Variants in KSR1 observed in about 807,000 individuals in gnomAD.
The protein encoded by KSR1 is kinase suppressor of ras 1, also known as kinase suppressor of ras.
Under a neutral mutation model 92.9 loss-of-function variants are expected in KSR1, and 35 were observed. The observed-to-expected ratio is 0.38, with a 90% CI of 0.29 to 0.50. The LOEUF is 0.50. Ranked by LOEUF, KSR1 falls within the 20% of genes least tolerant of loss-of-function variation. KSR1 has a pLI of 0.94. For synonymous variants in KSR1, 467 were observed against 472.6 expected, an observed-to-expected ratio of 0.99 and a Z score of 0.15; for missense variants, 972 against 1,158.5, an observed-to-expected ratio of 0.84 and a Z score of 2.34.
intron 1 of KSR1, among the ~76,000 whole-genome samples, chr17:27,498,394 G>C (rs554247133): frequency 6.7e-6 from 1 of 150,056 alleles, no homozygotes; most frequent in East Asian, 2.0e-4. Context: ...CACACAACTT[G>C]ATGTGACAAT....
chr17:27,517,839 A>G (rs539614770), intron 1 of KSR1, among the ~76,000 whole-genome samples: 1 of 152,268 alleles, frequency 6.6e-6, no homozygotes, highest in Non-Finnish European at 1.5e-5. Context: ...ATGTTATGTA[A>G]TTGTGGGGGT....
At chr17:27,478,481 A>C (rs537958738) in intron 1 of KSR1, among the ~76,000 whole-genome samples, 1 of 152,340 alleles carries the variant, frequency 6.6e-6, no homozygotes, top group African/African-American at 2.4e-5. Flanking sequence ...CACATTGGTC[A>C]TGAGATGTTG....
chr17:27,462,493 T>C (rs2019493127), intron 1 of KSR1, among the ~76,000 whole-genome samples: 1 of 152,178 alleles, frequency 6.6e-6, no homozygotes, highest in Non-Finnish European at 1.5e-5. Flanking sequence ...GCTTCCCTAA[T>C]GTCCAGGCTA....
At chr17:27,538,683 G>T (rs1276011589) in intron 1 of KSR1, among the ~76,000 whole-genome samples, 1 of 152,176 alleles carries the variant, frequency 6.6e-6, no homozygotes, top group Non-Finnish European at 1.5e-5. Context: ...AACAAAACTG[G>T]GTCCTGTGGG....
At chr17:27,494,198 A>AT (rs900525326) in intron 1 of KSR1, among the ~76,000 whole-genome samples, 1 of 152,006 alleles carries the variant, frequency 6.6e-6, no homozygotes, top group East Asian at 1.9e-4. Context: ...AGTGGAGATG[A>AT]TTTTTTTTAT....
At chr17:27,510,930 G>A (rs2069576459) in intron 1 of KSR1, among the ~76,000 whole-genome samples, 1 of 152,156 alleles carries the variant, frequency 6.6e-6, no homozygotes. Context: ...CATGTAGCAT[G>A]TTCCCCATTC....
chr17:27,525,668 T>G (rs2070229944), intron 1 of KSR1, among the ~76,000 whole-genome samples: 1 of 152,166 alleles, frequency 6.6e-6, no homozygotes, highest in Admixed American at 6.5e-5. Flanking sequence ...TTCCCAAAGG[T>G]TCCAAAGGTT....
At position 27,583,926 on chromosome 17, in the gene KSR1, C is replaced by T. The variant is rs1368636677; in HGVS notation, c.980+821C>T. 5.1e-5 allele frequency: 49 copies of T among 966,820 alleles called. 1 individual carries two copies. Among genetic ancestry groups the T allele is most frequent in the Non-Finnish European group, 2.5e-6 (2 of 812,946 alleles). The allele number at this position is 966,820 out of a possible 1,614,324, so 59.9% of individuals were successfully genotyped here. Reference sequence around the variant, plus strand: ...TTATTCAGTCACAGGGTTCCCCTTTCAGGAGCCAACCAGGCTAGCAGTTTT... The same window carrying T: ...TTATTCAGTCACAGGGTTCCCCTTTTAGGAGCCAACCAGGCTAGCAGTTTT... On this transcript the variant is annotated intron_variant, in intron 4 of 20. Transcript: ENST00000644974.
rs747820978 is a variant in KSR1, at chr17:27,605,854, G to A, written c.1994+41G>A. ...GACCTCATGCTGGATGGCCAGCTCA[G>A]CCTCCCCCTTCCCAGGGAGCCCTGT... On this transcript the variant is annotated intron_variant, in intron 14 of 20. Coordinates refer to ENST00000644974, the MANE Select transcript of KSR1 (RefSeq NM_001394583.1). 7 of 1,606,390 alleles carry A rather than the reference G, an allele frequency of 4.4e-6. No homozygotes were observed. In the East Asian group the frequency reaches 1.6e-4, roughly 36 times the overall value.
At chr17:27,567,544 C>T (rs1478253499) in intron 2 of KSR1, among the ~76,000 whole-genome samples, 2 of 152,176 alleles carry the variant, frequency 1.3e-5, no homozygotes, top group Non-Finnish European at 2.9e-5. Context: ...CAGGTGAGGC[C>T]ACGAGCCCAG....
chr17:27,551,487 C>A (rs575047419), intron 2 of KSR1, among the ~76,000 whole-genome samples: 2 of 151,978 alleles, frequency 1.3e-5, no homozygotes, highest in Non-Finnish European at 2.9e-5. Flanking sequence ...TATATAGATA[C>A]TTTGGAAACA....
chr17:27,536,860 G>A (rs2070770917), intron 1 of KSR1, among the ~76,000 whole-genome samples: 1 of 152,200 alleles, frequency 6.6e-6, no homozygotes, highest in Non-Finnish European at 1.5e-5. Flanking sequence ...ATACTCTGTT[G>A]GACAAAGTAG....
chr17:27,469,280 A>C (rs1394624702), intron 1 of KSR1, among the ~76,000 whole-genome samples: 2 of 151,934 alleles, frequency 1.3e-5, no homozygotes, highest in Non-Finnish European at 2.9e-5. Context: ...CCCAACAGGT[A>C]GTTTTCTTTT....
chr17:27,521,062 C>A (rs1359636188), intron 1 of KSR1, among the ~76,000 whole-genome samples: 1 of 152,188 alleles, frequency 6.6e-6, no homozygotes, highest in Admixed American at 6.5e-5. Context: ...TGTTCAGCAC[C>A]GTGGTTCTGA....
intron 1 of KSR1, among the ~76,000 whole-genome samples, chr17:27,527,709 CACAAATCAG>C (rs954259602): frequency 9.2e-5 from 14 of 152,112 alleles, no homozygotes. Flanking sequence ...TTGTTTGGGG[CACAAATCAG>C]ACTGTATAAG....
intron 9 of KSR1, among the ~76,000 whole-genome samples, chr17:27,596,990 G>T (rs889573644): frequency 6.6e-6 from 1 of 152,228 alleles, no homozygotes; most frequent in Non-Finnish European, 1.5e-5. Context: ...GGATGGAGAG[G>T]AGGAGCGTGG....
chr17:27,514,017 C>T (rs1166057812), intron 1 of KSR1, among the ~76,000 whole-genome samples: 1 of 152,360 alleles, frequency 6.6e-6, no homozygotes, highest in South Asian at 2.1e-4. Context: ...TGCAGCTAAG[C>T]TCTTAATGTG....
chr17:27,595,376 A>G (rs1475885411), intron 9 of KSR1, among the ~76,000 whole-genome samples: 3 of 152,238 alleles, frequency 2.0e-5, no homozygotes, highest in East Asian at 1.9e-4. Context: ...GTCACCTGCT[A>G]TGTACCACAC....
chr17:27,495,641 AAC>A (rs1378895674), intron 1 of KSR1, among the ~76,000 whole-genome samples: 5 of 152,202 alleles, frequency 3.3e-5, no homozygotes, highest in South Asian at 2.1e-4. Flanking sequence ...TCTACCAGGT[AAC>A]ACATGACTGC....
Sources: gnomAD v4.1 joint callset for allele counts (sites outside exome capture counted in the v4.1 genomes callset) on GRCh38, gnomAD v4.1.1 for gene constraint, MANE v1.5 for transcripts, NCBI Gene and HGNC (gene_info 2026-07-23, HGNC 2026-07-21) for gene names.